Variants in TOPORS observed in about 807,000 individuals in gnomAD.
TOPORS encodes the protein TOP1 binding arginine/serine rich protein, E3 ubiquitin ligase, also known as E3 ubiquitin-protein ligase Topors.
Under a neutral mutation model 81.4 loss-of-function variants are expected in TOPORS, and 25 were observed. The ratio of observed to expected loss-of-function variants is 0.31; its 90% CI spans 0.22 to 0.43. TOPORS has a LOEUF of 0.43. Ranked by LOEUF, TOPORS falls within the 20% of genes least tolerant of loss-of-function variation. The probability of loss-of-function intolerance (pLI) is 1.00; values close to 1 mark genes in which losing one functional copy is unlikely to be tolerated. For synonymous variants in TOPORS, 473 were observed against 456.6 expected (o/e 1.04, Z -0.46); for missense variants, 1,101 against 1,267.0 (o/e 0.87, Z 1.99).
At chr9:32,547,999 A>ATTTTTTTTTTTTT (rs747727912) in intron 2 of TOPORS, among the ~76,000 whole-genome samples, 181 of 83,718 alleles carry the variant, frequency 2.2e-3, no homozygotes, top group African/African-American at 2.6e-3. Context: ...CACGCTCGGC[A>ATTTTTTTTTTTTT]TTTTTTTTTT....
Position 32,550,777 on chromosome 9 carries a change from G to C in TOPORS, c.195C>G (p.Ser65=). The change falls in exon 2 of 3, where the codon TCC becomes TCG. Residue 65 remains serine (S), a synonymous_variant. Coordinates refer to ENST00000360538, the MANE Select transcript of TOPORS (RefSeq NM_005802.5). The part of the protein sequence containing the change: ...SAPARPAPAS[S]EIMASAAKEF... Reference sequence around the variant, plus strand: ...CATTGTTCCGAATCTCACTCACCTCGGAGGATGCCGGCGCAGGCCTGGCTG... The same window carrying C: ...CATTGTTCCGAATCTCACTCACCTCCGAGGATGCCGGCGCAGGCCTGGCTG... 6.2e-7 allele frequency: 1 copy of C among 1,612,898 alleles called. No homozygotes were observed.
Position 32,541,975 on chromosome 9 carries a change from G to C in TOPORS, c.2550C>G (p.Asp850Glu). The change falls in exon 3 of 3, where the codon GAC (aspartate) becomes GAG (glutamate). Residue 850 changes from aspartate (D) to glutamate (E), a missense_variant. This residue lies in a region of TOPORS where 605 missense variants were observed against 636.1 expected (regional missense o/e 0.95). Coordinates refer to ENST00000360538, the MANE Select transcript of TOPORS (RefSeq NM_005802.5). ...SDTFSDSRSS[D>E]RETKHKRRKR... ...TTCTCCTTTTGTGTTTTGTCTCTCT[G>C]TCTGATGATCGGCTGTCTGAAAAGG... is the stretch of plus-strand genomic sequence containing the variant. 1 of 1,613,626 alleles carries C rather than the reference G, an allele frequency of 6.2e-7. No individual in the cohort carries two copies.
Position 32,542,262 on chromosome 9 carries a change from T to G in TOPORS, c.2263A>C (p.Asn755His). Reference protein sequence around the residue: ...SERTNARKKNNHSERKYYYYE... With the variant: ...SERTNARKKNHHSERKYYYYE... ...TAGTAATACTTCCTCTCACTGTGAT[T>G]ATTTTTTTTCCTAGCATTTGTTCTT... The change falls in exon 3 of 3, where the codon AAT (asparagine) becomes CAT (histidine). Residue 755 changes from asparagine (N) to histidine (H), a missense_variant. Asn to His is a moderately conservative substitution (Grantham distance 68). Coordinates refer to ENST00000360538, the MANE Select transcript of TOPORS (RefSeq NM_005802.5). 1 of 1,614,168 alleles carries G rather than the reference T, an allele frequency of 6.2e-7. No homozygotes were observed. Among genetic ancestry groups the G allele is most frequent in the Non-Finnish European group, 8.5e-7 (1 of 1,180,026 alleles).
intron 2 of TOPORS, 126 bp from the exon 3 acceptor site, chr9:32,544,452 T>G: frequency 2.1e-6 from 2 of 945,844 alleles, no homozygotes; most frequent in Non-Finnish European, 1.6e-6. Flanking sequence ...CCCATTACTT[T>G]TGTTTTATTT....
rs199708840 is a variant in TOPORS at position 32,541,450 on chromosome 9, T to C, written c.3075A>G (p.Gln1025=). 9.3e-6 allele frequency: 15 copies of C among 1,614,220 alleles called. No homozygotes were observed. In the East Asian group the frequency reaches 2.7e-4, roughly 29 times the overall value. The change falls in exon 3 of 3, where the codon CAA becomes CAG. Residue 1025 remains glutamine, a synonymous_variant. Coordinates refer to ENST00000360538, the MANE Select transcript of TOPORS (RefSeq NM_005802.5). ...IVSLQTEPSR[Q]LPSPRTSLMS... is the part of the protein sequence containing the mutation. ...TTAATGATGTCCGTGGCGATGGCAATTGCCTTGATGGCTCAGTTTGAAGAG... is the reference window on the plus strand; with the variant it reads ...TTAATGATGTCCGTGGCGATGGCAACTGCCTTGATGGCTCAGTTTGAAGAG...
At chr9:32,544,364 T>C (rs768739559) in intron 2 of TOPORS, 38 bp from the exon 3 acceptor site, 9 of 1,566,542 alleles carry the variant, frequency 5.7e-6, no homozygotes, top group Admixed American at 1.7e-5. Context: ...AACCTGATAA[T>C]AGAGGAATGA....
intron 2 of TOPORS, among the ~76,000 whole-genome samples, chr9:32,549,330 CAA>C (rs1056631768): frequency 1.4e-4 from 21 of 152,196 alleles, no homozygotes; most frequent in African/African-American, 4.6e-4. Flanking sequence ...CAATAAAAAT[CAA>C]AAGTCATCTA....
intron 2 of TOPORS, among the ~76,000 whole-genome samples, chr9:32,546,349 G>A (rs1821140274): frequency 6.6e-6 from 1 of 152,200 alleles, no homozygotes. Flanking sequence ...GAGACTGTGT[G>A]TGTGGTAGAG....
intron 1 of TOPORS, 135 bp downstream of exon 1, chr9:32,552,299 G>A: frequency 1.5e-6 from 2 of 1,302,628 alleles, no homozygotes; most frequent in Non-Finnish European, 2.2e-6. Flanking sequence ...CAGCGACAGC[G>A]CTGCACGAAG....
intron 2 of TOPORS, among the ~76,000 whole-genome samples, chr9:32,548,510 G>A (rs1465279770): frequency 6.6e-6 from 1 of 151,814 alleles, no homozygotes; most frequent in Non-Finnish European, 1.5e-5. Context: ...TGGGCAACAA[G>A]AGCGAAACTC....
chr9:32,552,174 CAA>C (rs35415231), intron 1 of TOPORS: 62,754 of 477,716 alleles, frequency 0.13, 7 homozygotes, highest in East Asian at 0.18. Flanking sequence ...CCTTAGTTGG[CAA>C]AAAAAAAAAA....
chr9:32,550,957 C>T lies in TOPORS; in HGVS notation c.15G>A (p.Pro5=). The change falls in exon 2 of 3, where the codon CCG becomes CCA. Residue 5 remains proline, a synonymous_variant. Coordinates refer to ENST00000360538, the MANE Select transcript of TOPORS (RefSeq NM_005802.5). The stretch of plus-strand genomic sequence containing the variant: ...CGCGAGACAGCGGAGACCCCAGCGG[C>T]GGCTGCGACCCCTGTGACGCAAAGG... The part of the protein sequence containing the change: MGSQ[P]PLGSPLSREE... 4 of 1,611,012 alleles carry T rather than the reference C, an allele frequency of 2.5e-6. No individual in the cohort carries two copies. Among genetic ancestry groups the T allele is most frequent in the Non-Finnish European group, 2.5e-6 (3 of 1,179,760 alleles).
intron 1 of TOPORS, chr9:32,552,173 G>T: frequency 3.9e-6 from 2 of 517,952 alleles, no homozygotes; most frequent in South Asian, 4.3e-5. Flanking sequence ...TCCTTAGTTG[G>T]CAAAAAAAAA....
chr9:32,544,048 C>G lies in TOPORS; in HGVS notation c.477G>C (p.Lys159Asn), dbSNP rs1248088889. The stretch of plus-strand genomic sequence containing the variant: ...TATACGAAGGCCTTAGGACATACTC[C>G]TTGAAGTCATCTTCTGCCCTCACAG... Reference protein sequence around the residue: ...FHSVRAEDDFKEYVLRPSYNG... With the variant: ...FHSVRAEDDFNEYVLRPSYNG... The change falls in exon 3 of 3, where the codon AAG becomes AAC. Residue 159 changes from lysine (K) to asparagine (N), a missense_variant. By Grantham distance (94) the Lys-to-Asn change is moderately conservative (BLOSUM62 0). Transcript: ENST00000360538. The G allele has an allele frequency of 6.2e-7, 1 of 1,614,202 alleles. No individual in the cohort carries two copies. The highest frequency in any genetic ancestry group is 8.5e-7 in the Non-Finnish European group (1 of 1,180,032).
rs1392038182 is a variant in TOPORS, at chr9:32,541,284, A to ACTTC, written c.*102_*103insGAAG. 1 of 1,130,828 alleles carries ACTTC rather than the reference A, an allele frequency of 8.8e-7. No homozygotes were observed. Among genetic ancestry groups the ACTTC allele is most frequent in the African/African-American group, 1.6e-5 (1 of 64,064 alleles). The allele number at this position is 1,130,828 out of a possible 1,614,324, so 70.0% of individuals were successfully genotyped here. A position where few individuals can be genotyped will look rare whatever the true frequency, so the allele number is the denominator to read the frequency against. On this transcript the variant is annotated 3_prime_UTR_variant, in exon 3 of 3. Transcript: ENST00000360538. ...CATTTAAAATATTGTAAGGAGGAAG[A>ACTTC]GAGTTTTCACCAAATGTCATCTTTA...
chr9:32,550,741 C>T, intron 2 of TOPORS, 33 bp downstream of exon 2: 2 of 1,611,382 alleles, frequency 1.2e-6, no homozygotes, highest in Non-Finnish European at 1.7e-6. Context: ...GCCCTTCCGA[C>T]CCCCGCGTCC....
Position 32,550,776 on chromosome 9 carries a change from C to T in TOPORS, c.196G>A (p.Glu66Lys), listed in dbSNP as rs369398862. Residue 66 changes from glutamate (E) to lysine (K), a missense_variant and splice_region_variant, in exon 2 of 3, where the codon GAG becomes AAG. By Grantham distance (56) the Glu-to-Lys change is moderately conservative. Around this residue, in one of 9 missense-constraint regions of TOPORS, gnomAD observed 131 missense variants for 101.0 expected, o/e 1.30. Coordinates refer to ENST00000360538, the MANE Select transcript of TOPORS (RefSeq NM_005802.5). Reference protein sequence around the residue: ...APARPAPASSEIMASAAKEFK... With the variant: ...APARPAPASSKIMASAAKEFK... Reference sequence around the variant, plus strand: ...CCATTGTTCCGAATCTCACTCACCTCGGAGGATGCCGGCGCAGGCCTGGCT... The same window carrying T: ...CCATTGTTCCGAATCTCACTCACCTTGGAGGATGCCGGCGCAGGCCTGGCT... 3.0e-5 allele frequency: 49 copies of T among 1,612,808 alleles called. No homozygotes were observed. Among genetic ancestry groups the T allele is most frequent in the Non-Finnish European group, 3.8e-5 (45 of 1,179,702 alleles).
chr9:32,544,443 C>A (rs1465544902), intron 2 of TOPORS, 117 bp from the exon 3 acceptor site: 1 of 1,022,666 alleles, frequency 9.8e-7, no homozygotes, highest in Non-Finnish European at 1.4e-6. Context: ...CTTAAGTGAC[C>A]CATTACTTTT....
chr9:32,550,536 A>G (rs1277499531), intron 2 of TOPORS, among the ~76,000 whole-genome samples: 1 of 152,100 alleles, frequency 6.6e-6, no homozygotes, highest in Non-Finnish European at 1.5e-5. Context: ...TTTCCAGTAC[A>G]CGGCCAGGCT....
Sources: gnomAD v4.1 joint callset for allele counts (sites outside exome capture counted in the v4.1 genomes callset) on GRCh38, gnomAD v4.1.1 for gene constraint, gnomAD v4.1.1 regional missense constraint, MANE v1.5 for transcripts, NCBI Gene and HGNC (gene_info 2026-07-23, HGNC 2026-07-21) for gene names.